The following DIP2C variants were observed in gnomAD, a reference collection of about 807,000 sequenced individuals.
The protein encoded by DIP2C is disco-interacting protein 2 homolog C.
Under a neutral mutation model 192.4 loss-of-function variants are expected in DIP2C, and 33 were observed. The ratio of observed to expected loss-of-function variants is 0.17; its 90% CI spans 0.13 to 0.23. DIP2C has a LOEUF of 0.23. DIP2C is among the 10% of genes least tolerant of loss of function. DIP2C has a pLI of 1.00. For missense variants in DIP2C, 1,537 were observed against 2,110.1 expected (o/e 0.73, Z 5.32); for synonymous variants, 979 against 864.1 (o/e 1.13, Z -2.33).
At chr10:493,046 G>C (rs1477991197) in intron 1 of DIP2C, among the ~76,000 whole-genome samples, 5 of 152,240 alleles carry the variant, frequency 3.3e-5, no homozygotes, top group Non-Finnish European at 7.3e-5. Flanking sequence ...GAGGCTTTGT[G>C]AGTTTGAGGA....
At chr10:416,100 A>G (rs1291756690) in intron 6 of DIP2C, among the ~76,000 whole-genome samples, 2 of 151,702 alleles carry the variant, frequency 1.3e-5, no homozygotes, top group Admixed American at 6.6e-5. Context: ...CCGAATGTCT[A>G]CCACGTTCCA....
intron 1 of DIP2C, among the ~76,000 whole-genome samples, chr10:625,954 G>A (rs1335851547): frequency 6.6e-6 from 1 of 152,208 alleles, no homozygotes; most frequent in Admixed American, 6.5e-5. Flanking sequence ...TCAAAAGAGC[G>A]TTTTGCAAGC....
At chr10:310,183 A>C in intron 31 of DIP2C, 91 bp from the exon 32 acceptor site, 1 of 1,261,722 alleles carries the variant, frequency 7.9e-7, no homozygotes, top group Non-Finnish European at 1.1e-6. Context: ...TTCTTTTGTA[A>C]AATCTTAAAG....
At chr10:486,436 T>A (rs1844020903) in intron 2 of DIP2C, 23 bp downstream of exon 2, 1 of 1,578,776 alleles carries the variant, frequency 6.3e-7, no homozygotes, top group South Asian at 1.2e-5. Flanking sequence ...AGAGGACTCA[T>A]GCTACTCATG....
At chr10:616,201 AG>A (rs1192425910) in intron 1 of DIP2C, among the ~76,000 whole-genome samples, 1 of 152,226 alleles carries the variant, frequency 6.6e-6, no homozygotes, top group African/African-American at 2.4e-5. Flanking sequence ...TTTATCAATT[AG>A]ATTATCAAGC....
At chr10:515,241 AAAG>A (rs1360470914) in intron 1 of DIP2C, among the ~76,000 whole-genome samples, 1 of 152,236 alleles carries the variant, frequency 6.6e-6, no homozygotes, top group East Asian at 1.9e-4. Flanking sequence ...CTTAATACTG[AAAG>A]AATAACCATA....
chr10:286,686 T>C (rs1411307288), intron 33 of DIP2C, among the ~76,000 whole-genome samples: 1 of 152,186 alleles, frequency 6.6e-6, no homozygotes, highest in Non-Finnish European at 1.5e-5. Context: ...GTAAATGATA[T>C]AATGTTTAAC....
intron 1 of DIP2C, among the ~76,000 whole-genome samples, chr10:575,250 C>T (rs1850079063): frequency 1.3e-5 from 2 of 152,240 alleles, no homozygotes; most frequent in South Asian, 2.1e-4. Flanking sequence ...TACAATTAAT[C>T]TACACATAAA....
intron 1 of DIP2C, among the ~76,000 whole-genome samples, chr10:575,341 T>C (rs377029634): frequency 6.6e-6 from 1 of 152,194 alleles, no homozygotes; most frequent in South Asian, 2.1e-4. Flanking sequence ...ATACATTAAC[T>C]GAAGTTTTCA....
intron 1 of DIP2C, among the ~76,000 whole-genome samples, chr10:605,864 C>A (rs559618762): frequency 6.6e-6 from 1 of 152,172 alleles, no homozygotes; most frequent in Non-Finnish European, 1.5e-5. Flanking sequence ...CAAAGAAAAC[C>A]GGGCAGAGAC....
intron 24 of DIP2C, among the ~76,000 whole-genome samples, chr10:352,795 G>C (rs1183946980): frequency 1.3e-5 from 2 of 152,124 alleles, no homozygotes; most frequent in East Asian, 3.9e-4. Flanking sequence ...TCCCCACCCC[G>C]TGTGGTTGAA....
At chr10:626,545 C>T (rs1013245316) in intron 1 of DIP2C, among the ~76,000 whole-genome samples, 1 of 151,888 alleles carries the variant, frequency 6.6e-6, no homozygotes, top group Non-Finnish European at 1.5e-5. Context: ...GGCCCCTCTC[C>T]TTGTCCTCCC....
At position 537,792 on chromosome 10, in the gene DIP2C, AATTT is replaced by A. The variant is rs773373449; in HGVS notation, c.86-51266_86-51263del. 1.7e-3 allele frequency among the ~76,000 whole-genome samples: 232 copies of A among 140,590 alleles called. 1 individual carries two copies. The highest frequency in any genetic ancestry group is 2.8e-3 in the Non-Finnish European group (190 of 66,976). The allele number at this position is 140,590 out of a possible 152,430, so 92.2% of individuals were successfully genotyped here. On this transcript the variant is annotated intron_variant, in intron 1 of 36. Transcript: ENST00000280886. ...ATCGAGCAGTTATCTTTCGTCTGCG[AATTT>A]TTTTTTTTCCCCCGAGACCGAGTCT...
chr10:679,545 G>A (rs11253320), intron 1 of DIP2C, among the ~76,000 whole-genome samples: 794 of 2,766 alleles, frequency 0.29, 338 homozygotes, highest in Non-Finnish European at 0.56. Flanking sequence ...CATGCTCCCC[G>A]CACCCATCCT....
intron 1 of DIP2C, among the ~76,000 whole-genome samples, chr10:657,696 ACTGGACCTGCCCCTGGACCTGCCC>A (rs1338120775): frequency 9.8e-5 from 3 of 30,592 alleles, no homozygotes; most frequent in Non-Finnish European, 2.0e-4. Flanking sequence ...TGGACCTGAC[ACTGGACCTGCCCCTGGACCTGCCC>A]CTGGACCTGC....
At position 366,335 on chromosome 10, in the gene DIP2C, A is replaced by G. The variant is rs749836658; in HGVS notation, c.2208T>C (p.Cys736=). ...AGTAGGACGTGCCCGTCGCAACTGC[A>G]CACACACACAGCTCCCCGATCTCAT... ...RTDEIGELCV[C]AVATGTSYYG... is the part of the protein sequence containing the mutation. The change falls in exon 19 of 37, where the codon TGT becomes TGC. Residue 736 remains cysteine, a synonymous_variant. Transcript: ENST00000280886. 3.1e-6 allele frequency: 5 copies of G among 1,611,966 alleles called. No individual in the cohort carries two copies. The highest frequency in any genetic ancestry group is 3.3e-5 in the Admixed American group (2 of 59,808).
chr10:329,082 C>T (rs1957390820), intron 30 of DIP2C, among the ~76,000 whole-genome samples: 1 of 152,112 alleles, frequency 6.6e-6, no homozygotes, highest in South Asian at 2.1e-4. Context: ...TCTTAAACAC[C>T]AGTATCAAAT....
At chr10:441,307 C>CG in intron 3 of DIP2C, 2 of 290,108 alleles carry the variant, frequency 6.9e-6, no homozygotes, top group South Asian at 9.1e-5. Context: ...GTAGGTCACA[C>CG]GTTCGAGCCT....
At chr10:568,532 C>A (rs1010394896) in intron 1 of DIP2C, among the ~76,000 whole-genome samples, 2 of 151,984 alleles carry the variant, frequency 1.3e-5, no homozygotes, top group African/African-American at 2.4e-5. Flanking sequence ...CTTTGGGAGG[C>A]CGAGACGGGC....
Sources: gnomAD v4.1 joint callset for allele counts (sites outside exome capture counted in the v4.1 genomes callset) on GRCh38, gnomAD v4.1.1 for gene constraint, MANE v1.5 for transcripts, NCBI Gene and HGNC (gene_info 2026-07-23, HGNC 2026-07-21) for gene names.